The following LDB2 variants were observed in gnomAD, a reference collection of about 807,000 sequenced individuals.
The protein encoded by LDB2 is LIM domain binding 2.
Under a neutral mutation model 44.3 loss-of-function variants are expected in LDB2, and 12 were observed. The ratio of observed to expected loss-of-function variants is 0.27; its 90% CI spans 0.17 to 0.44. The LOEUF is 0.44. Among genes scored for constraint, LDB2 ranks in the 20% least tolerant of loss-of-function variants. The pLI is 1.00. For missense variants in LDB2, 344 were observed against 473.5 expected, an observed-to-expected ratio of 0.73 and a Z score of 2.54; for synonymous variants, 164 against 174.8, an observed-to-expected ratio of 0.94 and a Z score of 0.49.
chr4:16,592,505 T>TATATAC (rs757702164), intron 3 of LDB2, among the ~76,000 whole-genome samples: 403 of 107,646 alleles, frequency 3.7e-3, no homozygotes, highest in South Asian at 6.3e-3. Context: ...TATATATATA[T>TATATAC]ACACACACAC....
chr4:16,862,633 C>CAAAAAAA (rs58157857), intron 1 of LDB2, among the ~76,000 whole-genome samples: 5 of 45,086 alleles, frequency 1.1e-4, no homozygotes, highest in Non-Finnish European at 1.5e-4. Context: ...AATTCCATCT[C>CAAAAAAA]AAAAAAAAAA....
intron 2 of LDB2, among the ~76,000 whole-genome samples, chr4:16,754,331 C>T (rs532185684): frequency 6.6e-6 from 1 of 152,304 alleles, no homozygotes; most frequent in Admixed American, 6.5e-5. Context: ...CAGGGAGCCT[C>T]GGCATCAGGC....
At chr4:16,520,068 A>G (rs1048551015) in intron 5 of LDB2, among the ~76,000 whole-genome samples, 1 of 152,072 alleles carries the variant, frequency 6.6e-6, no homozygotes, top group Non-Finnish European at 1.5e-5. Flanking sequence ...ATAATAACCC[A>G]TATTTAGAAT....
chr4:16,559,006 G>C (rs573647159), intron 5 of LDB2, among the ~76,000 whole-genome samples: 4 of 152,278 alleles, frequency 2.6e-5, no homozygotes, highest in African/African-American at 9.6e-5. Flanking sequence ...TTACAGACAA[G>C]CAAATGCTGA....
intron 2 of LDB2, among the ~76,000 whole-genome samples, chr4:16,634,210 C>G (rs1277605099): frequency 2.0e-5 from 3 of 148,768 alleles, no homozygotes; most frequent in Non-Finnish European, 4.4e-5. Context: ...TGGGCAAAGA[C>G]TTCATGTCTA....
At chr4:16,829,253 T>C (rs936030767) in intron 1 of LDB2, among the ~76,000 whole-genome samples, 2 of 152,102 alleles carry the variant, frequency 1.3e-5, no homozygotes, top group African/African-American at 4.8e-5. Context: ...AAGCAAAAGC[T>C]TCATCACACT....
intron 5 of LDB2, among the ~76,000 whole-genome samples, chr4:16,574,151 C>T (rs529914907): frequency 1.8e-4 from 27 of 152,240 alleles, no homozygotes; most frequent in South Asian, 8.3e-4. Flanking sequence ...ATAACAACAA[C>T]GAAAATCTTC....
intron 5 of LDB2, among the ~76,000 whole-genome samples, chr4:16,583,269 A>G (rs1212864244): frequency 6.6e-6 from 1 of 152,240 alleles, no homozygotes; most frequent in Non-Finnish European, 1.5e-5. Context: ...TGAAATTTCA[A>G]TGGCTGGAGC....
At chr4:16,620,223 CAGTT>C (rs1237197944) in intron 2 of LDB2, among the ~76,000 whole-genome samples, 1 of 152,178 alleles carries the variant, frequency 6.6e-6, no homozygotes, top group Non-Finnish European at 1.5e-5. Flanking sequence ...TCATCCATCA[CAGTT>C]AGTCTCTAAT....
At chr4:16,859,646 A>G (rs138807618) in intron 1 of LDB2, among the ~76,000 whole-genome samples, 3 of 152,332 alleles carry the variant, frequency 2.0e-5, no homozygotes, top group Non-Finnish European at 2.9e-5. Context: ...GACTCAGTAC[A>G]GAGAACTTGT....
At chr4:16,650,712 C>T (rs1016639191) in intron 2 of LDB2, among the ~76,000 whole-genome samples, 14 of 152,218 alleles carry the variant, frequency 9.2e-5, no homozygotes, top group African/African-American at 3.4e-4. Context: ...CATTGAGAGA[C>T]ACCCCCAAGA....
chr4:16,635,042 C>A, intron 2 of LDB2, among the ~76,000 whole-genome samples: 1 of 152,080 alleles, frequency 6.6e-6, no homozygotes, highest in Non-Finnish European at 1.5e-5. Flanking sequence ...ATCACAAGAT[C>A]AGAAAACCAA....
In LDB2 at chr4:16,503,497, A is replaced by C. The variant is rs191388822; in HGVS notation, c.892-624T>G. Among the ~76,000 whole-genome samples the C allele has an allele frequency of 3.1e-3, 468 of 152,348 alleles. 5 individuals are homozygous for C. The highest frequency in any genetic ancestry group is 6.8e-3 in the Middle Eastern group (2 of 294). ...TAATTATGGTAATTAATTTAGGTAA[A>C]GTTTTCGATAAAAACAATGTTCACA... On this transcript the variant is annotated intron_variant, in intron 7 of 7. Transcript: ENST00000304523.
At chr4:16,627,373 A>C (rs1382784762) in intron 2 of LDB2, among the ~76,000 whole-genome samples, 3 of 152,230 alleles carry the variant, frequency 2.0e-5, no homozygotes, top group Non-Finnish European at 4.4e-5. Flanking sequence ...TGTTAAAAAC[A>C]TTAGACTCCC....
chr4:16,675,244 C>G (rs1361966873), intron 2 of LDB2, among the ~76,000 whole-genome samples: 4 of 152,168 alleles, frequency 2.6e-5, no homozygotes, highest in Non-Finnish European at 4.4e-5. Context: ...ATCCATCACA[C>G]CTGACTTAAT....
intron 2 of LDB2, among the ~76,000 whole-genome samples, chr4:16,656,071 T>G (rs552994057): frequency 6.6e-6 from 1 of 151,974 alleles, no homozygotes; most frequent in Non-Finnish European, 1.5e-5. Context: ...GGCTAATTTT[T>G]TGTATTTTTT....
intron 2 of LDB2, among the ~76,000 whole-genome samples, chr4:16,718,539 T>C (rs1348746531): frequency 1.3e-5 from 2 of 152,158 alleles, no homozygotes; most frequent in African/African-American, 2.4e-5. Context: ...CCTGTATATG[T>C]GTAGTCATTG....
At chr4:16,822,176 T>A (rs1782224548) in intron 1 of LDB2, among the ~76,000 whole-genome samples, 1 of 152,180 alleles carries the variant, frequency 6.6e-6, no homozygotes, top group Non-Finnish European at 1.5e-5. Context: ...TCAGCTGCTA[T>A]CTGTGTCTAG....
chr4:16,773,389 T>A (rs1467904402), intron 1 of LDB2, among the ~76,000 whole-genome samples: 1 of 152,210 alleles, frequency 6.6e-6, no homozygotes, highest in Non-Finnish European at 1.5e-5. Flanking sequence ...TAATGTAGAA[T>A]CAGTGGGAGC....
Sources: allele counts gnomAD v4.1 joint callset (sites outside exome capture counted in the v4.1 genomes callset), GRCh38; gene constraint gnomAD v4.1.1; transcripts MANE v1.5; gene names NCBI Gene and HGNC (gene_info 2026-07-23, HGNC 2026-07-21).